Variants in TRAPPC9 observed in about 807,000 individuals in gnomAD.
The protein encoded by TRAPPC9 is trafficking protein particle complex subunit 9, also known as IKK2 binding protein.
A neutral mutation model predicts 124.0 loss-of-function variants in TRAPPC9; 83 were observed. The observed-to-expected ratio is 0.67, with a 90% confidence interval of 0.56 to 0.80. The LOEUF (loss-of-function observed/expected upper bound fraction) is 0.80, where lower values mean the gene tolerates loss of function less well. Ranked by LOEUF, TRAPPC9 falls within the 30% of genes least tolerant of loss-of-function variation. The probability of loss-of-function intolerance (pLI) is 0.00; values close to 1 mark genes in which losing one functional copy is unlikely to be tolerated. For missense variants in TRAPPC9, 1,302 were observed against 1,508.3 expected (o/e 0.86, Z 2.27); for synonymous variants, 638 against 617.5 (o/e 1.03, Z -0.49).
chr8:140,435,740 T>C (rs4736182), intron 3 of TRAPPC9, among the ~76,000 whole-genome samples: 109,603 of 152,126 alleles, frequency 0.72, 40,136 homozygotes, highest in East Asian at 1. Context: ...CCTTTTGAGG[T>C]TGTAGTCCTC....
rs1297629665 is a variant in TRAPPC9, at chr8:140,184,828, C to A, written c.2556+36631G>T. Among the ~76,000 whole-genome samples the A allele has an allele frequency of 2.6e-5, 4 of 152,122 alleles. No homozygotes were observed. The East Asian group carries it at 7.7e-4, about 29-fold the overall frequency. The stretch of plus-strand genomic sequence containing the variant: ...ATTATTACAAAGCACACATCTAAAT[C>A]CAGCACCCAGCTGGAAAAAGAACAT... On this transcript the variant is annotated intron_variant, in intron 17 of 22. Coordinates refer to ENST00000438773, the MANE Select transcript of TRAPPC9 (RefSeq NM_001160372.4).
At chr8:140,050,046 G>A (rs948875493) in intron 17 of TRAPPC9, among the ~76,000 whole-genome samples, 4 of 152,198 alleles carry the variant, frequency 2.6e-5, no homozygotes, top group Non-Finnish European at 4.4e-5. Flanking sequence ...TGAGTACAGC[G>A]TGGGGGCAAC....
intron 6 of TRAPPC9, among the ~76,000 whole-genome samples, chr8:140,404,040 T>G (rs1484238737): frequency 6.6e-6 from 1 of 152,094 alleles, no homozygotes; most frequent in Non-Finnish European, 1.5e-5. Context: ...AAAAGATGTA[T>G]GCATAGGGGC....
intron 9 of TRAPPC9, among the ~76,000 whole-genome samples, chr8:140,323,189 C>A (rs1402378956): frequency 3.3e-5 from 5 of 152,190 alleles, no homozygotes; most frequent in African/African-American, 1.2e-4. Context: ...TTGCAAATAA[C>A]AGCTAGGGGC....
chr8:140,269,551 A>AT (rs2064809776), intron 15 of TRAPPC9, among the ~76,000 whole-genome samples: 1 of 68,216 alleles, frequency 1.5e-5, no homozygotes, highest in Non-Finnish European at 2.8e-5. Flanking sequence ...AAAAAATAAA[A>AT]TAAAATAAAT....
chr8:140,239,712 G>T (rs1349510305), intron 16 of TRAPPC9, among the ~76,000 whole-genome samples: 1 of 152,202 alleles, frequency 6.6e-6, no homozygotes, highest in Non-Finnish European at 1.5e-5. Flanking sequence ...CCTCAGGAAA[G>T]AACCCAAGTT....
At chr8:140,060,907 C>T (rs915317275) in intron 17 of TRAPPC9, among the ~76,000 whole-genome samples, 1 of 152,210 alleles carries the variant, frequency 6.6e-6, no homozygotes, top group African/African-American at 2.4e-5. Flanking sequence ...AATTCTTAGG[C>T]TCTCCAAATG....
chr8:140,288,516 C>A (rs528593928), intron 12 of TRAPPC9, among the ~76,000 whole-genome samples: 2 of 152,254 alleles, frequency 1.3e-5, no homozygotes, highest in East Asian at 3.9e-4. Context: ...GGAAGCAGTA[C>A]AGGTATGTCA....
At chr8:140,344,536 G>T (rs1473550213) in intron 9 of TRAPPC9, among the ~76,000 whole-genome samples, 1 of 152,230 alleles carries the variant, frequency 6.6e-6, no homozygotes, top group East Asian at 1.9e-4. Flanking sequence ...CAAGGAGGGA[G>T]ACTGATGGTA....
chr8:140,064,640 G>A (rs1842811116), intron 17 of TRAPPC9, among the ~76,000 whole-genome samples: 1 of 152,188 alleles, frequency 6.6e-6, no homozygotes, highest in Admixed American at 6.5e-5. Context: ...GGAGGGCTAA[G>A]TGCAGCGGCA....
chr8:140,275,115 A>C (rs1223737275), intron 15 of TRAPPC9, among the ~76,000 whole-genome samples: 1 of 152,046 alleles, frequency 6.6e-6, no homozygotes, highest in Non-Finnish European at 1.5e-5. Flanking sequence ...TCCCTAGTTC[A>C]CTCTTGTAAT....
chr8:140,177,871 CAT>C (rs1190774020), intron 17 of TRAPPC9, among the ~76,000 whole-genome samples: 1 of 151,992 alleles, frequency 6.6e-6, no homozygotes, highest in Non-Finnish European at 1.5e-5. Flanking sequence ...AATTCTTGCA[CAT>C]CTTTTCTTAA....
At chr8:140,291,216 T>C in intron 11 of TRAPPC9, 138 bp from the exon 12 acceptor site, 1 of 794,736 alleles carries the variant, frequency 1.3e-6, no homozygotes, top group Non-Finnish European at 2.2e-6. Context: ...AGATGGGTGA[T>C]TCAAAGCTGC....
intron 20 of TRAPPC9, among the ~76,000 whole-genome samples, chr8:139,905,834 C>A (rs914415279): frequency 6.6e-6 from 1 of 152,108 alleles, no homozygotes; most frequent in Non-Finnish European, 1.5e-5. Flanking sequence ...GTGGCTCATG[C>A]CTGTAATACC....
chr8:139,783,268 C>T (rs1225906151), intron 21 of TRAPPC9, among the ~76,000 whole-genome samples: 2 of 152,030 alleles, frequency 1.3e-5, no homozygotes, highest in Admixed American at 6.6e-5. Context: ...AGAAGCTCAA[C>T]AGAATCTATA....
intron 21 of TRAPPC9, among the ~76,000 whole-genome samples, chr8:139,826,457 T>C (rs1054142459): frequency 6.6e-6 from 1 of 151,246 alleles, no homozygotes; most frequent in Non-Finnish European, 1.5e-5. Flanking sequence ...TGTGGCCTCC[T>C]TCCCCCGCAG....
intron 17 of TRAPPC9, among the ~76,000 whole-genome samples, chr8:140,147,979 T>C (rs947072777): frequency 1.3e-5 from 2 of 152,264 alleles, no homozygotes; most frequent in Non-Finnish European, 1.5e-5. Flanking sequence ...CTTATTCTCC[T>C]GCTCGAGAAA....
chr8:140,220,589 C>A (rs987282063), intron 17 of TRAPPC9, among the ~76,000 whole-genome samples: 1 of 152,172 alleles, frequency 6.6e-6, no homozygotes, highest in African/African-American at 2.4e-5. Context: ...CCAGAACTGG[C>A]CTATTCCTTC....
chr8:140,347,066 T>C lies in TRAPPC9; in HGVS notation c.1495+12984A>G, dbSNP rs571356744. Among the ~76,000 whole-genome samples the C allele has an allele frequency of 1.1e-4, 17 of 152,200 alleles. 1 individual carries two copies. Among genetic ancestry groups the C allele is most frequent in the African/African-American group, 3.9e-4 (16 of 41,530 alleles). ...AGCATCCCACCCATAGCTCCTCTGCTCCTCCAGCTCTGGGCCAGGCACGCA... is the reference window on the plus strand; with the variant it reads ...AGCATCCCACCCATAGCTCCTCTGCCCCTCCAGCTCTGGGCCAGGCACGCA... On this transcript the variant is annotated intron_variant, in intron 9 of 22. Coordinates refer to ENST00000438773, the MANE Select transcript of TRAPPC9 (RefSeq NM_001160372.4).
Sources: gnomAD v4.1 joint callset for allele counts (sites outside exome capture counted in the v4.1 genomes callset) on GRCh38, gnomAD v4.1.1 for gene constraint, MANE v1.5 for transcripts, NCBI Gene and HGNC (gene_info 2026-07-23, HGNC 2026-07-21) for gene names.